The following NFIB variants were observed in gnomAD, a reference collection of about 807,000 sequenced individuals.
The protein encoded by NFIB is nuclear factor 1 B-type.
Under a neutral mutation model 61.5 loss-of-function variants are expected in NFIB, and 11 were observed. The observed-to-expected ratio is 0.18, with a 90% CI of 0.11 to 0.30. The LOEUF (loss-of-function observed/expected upper bound fraction) is 0.30, where lower values mean the gene tolerates loss of function less well. NFIB is among the 10% of genes least tolerant of loss of function. NFIB has a pLI of 1.00. For synonymous variants in NFIB, 260 were observed against 216.5 expected, an observed-to-expected ratio of 1.20 and a Z score of -1.76; for missense variants, 471 against 608.9, an observed-to-expected ratio of 0.77 and a Z score of 2.38.
intron 10 of NFIB, among the ~76,000 whole-genome samples, chr9:14,111,378 A>G (rs1049072276): frequency 6.6e-6 from 1 of 152,180 alleles, no homozygotes; most frequent in Non-Finnish European, 1.5e-5. Flanking sequence ...CTCCAAATAC[A>G]TGGAATTGGT....
intron 4 of NFIB, 127 bp downstream of exon 4, chr9:14,155,698 A>G: frequency 2.1e-6 from 1 of 486,480 alleles, no homozygotes. Flanking sequence ...ATTTCATCAA[A>G]GGTTTTAAGA....
At chr9:14,219,223 C>T (rs1486664467) in intron 2 of NFIB, among the ~76,000 whole-genome samples, 1 of 151,892 alleles carries the variant, frequency 6.6e-6, no homozygotes, top group East Asian at 1.9e-4. Flanking sequence ...GTTTTTGATT[C>T]TACGTATTTA....
intron 1 of NFIB, chr9:14,362,444 C>T (rs1371867231): frequency 1.3e-5 from 2 of 152,226 alleles, no homozygotes; most frequent in Non-Finnish European, 2.9e-5. Flanking sequence ...ACTCAAGTAT[C>T]CCCAAAGGAA....
intron 8 of NFIB, among the ~76,000 whole-genome samples, chr9:14,119,908 C>T (rs549509879): frequency 3.3e-5 from 5 of 152,134 alleles, no homozygotes; most frequent in Non-Finnish European, 4.4e-5. Flanking sequence ...AAAAGAAAGA[C>T]GCTTCTAGTA....
chr9:14,287,580 G>C (rs2058799825), intron 2 of NFIB, among the ~76,000 whole-genome samples: 2 of 151,758 alleles, frequency 1.3e-5, no homozygotes, highest in Non-Finnish European at 2.9e-5. Flanking sequence ...GCACCACCAG[G>C]CCCGGCTAAT....
chr9:14,390,719 C>T (rs766543542), intron 1 of NFIB, among the ~76,000 whole-genome samples: 23 of 152,312 alleles, frequency 1.5e-4, no homozygotes, highest in Admixed American at 5.2e-4. Context: ...AGAGCTCCCT[C>T]GGTTCTTCTT....
At chr9:14,360,361 G>A (rs887796930) in intron 1 of NFIB, among the ~76,000 whole-genome samples, 5 of 152,036 alleles carry the variant, frequency 3.3e-5, no homozygotes, top group South Asian at 2.1e-4. Context: ...ATAATTTTCC[G>A]AACAGTTCTA....
the NFIB span, among the ~76,000 whole-genome samples, chr9:14,463,899 G>A: frequency 6.6e-6 from 1 of 151,948 alleles, no homozygotes; most frequent in Non-Finnish European, 1.5e-5. Context: ...TGACCTCGTG[G>A]TCCGACCGCC....
the NFIB span, among the ~76,000 whole-genome samples, chr9:14,404,233 C>G: frequency 2.6e-5 from 4 of 152,142 alleles, no homozygotes; most frequent in Non-Finnish European, 5.9e-5. Context: ...TACCAGCTAT[C>G]AAAAATGCAA....
At chr9:14,449,775 C>CA in the NFIB span, among the ~76,000 whole-genome samples, 67 of 150,192 alleles carry the variant, frequency 4.5e-4, no homozygotes, top group Non-Finnish European at 8.6e-4. Flanking sequence ...ACTAAAAATA[C>CA]AAAAAAAAAT....
intron 10 of NFIB, among the ~76,000 whole-genome samples, chr9:14,098,257 ACTT>A (rs1431594768): frequency 6.6e-6 from 1 of 152,094 alleles, no homozygotes; most frequent in African/African-American, 2.4e-5. Flanking sequence ...CCATCTGAAG[ACTT>A]CTTCTATGTT....
chr9:14,163,700 T>C (rs1055531261), intron 3 of NFIB, among the ~76,000 whole-genome samples: 3 of 152,020 alleles, frequency 2.0e-5, no homozygotes, highest in African/African-American at 7.2e-5. Flanking sequence ...TTTTTAAGAA[T>C]TGAACATGAC....
chr9:14,223,535 TA>T (rs2051975198), intron 2 of NFIB, among the ~76,000 whole-genome samples: 1 of 152,156 alleles, frequency 6.6e-6, no homozygotes, highest in African/African-American at 2.4e-5. Flanking sequence ...TAGAAACCAC[TA>T]ATTATTTAAT....
At chr9:14,370,655 A>T (rs1222790732) in intron 1 of NFIB, among the ~76,000 whole-genome samples, 2 of 152,262 alleles carry the variant, frequency 1.3e-5, no homozygotes. Flanking sequence ...ATCACACGAC[A>T]CTGGAACTCC....
chr9:14,161,380 C>T (rs1053162298), intron 3 of NFIB, among the ~76,000 whole-genome samples: 4 of 151,938 alleles, frequency 2.6e-5, no homozygotes, highest in African/African-American at 7.2e-5. Context: ...CAATATGAAA[C>T]GTAAACCCAC....
At chr9:14,290,510 TG>T (rs1750441981) in intron 2 of NFIB, among the ~76,000 whole-genome samples, 1 of 152,050 alleles carries the variant, frequency 6.6e-6, no homozygotes, top group Admixed American at 6.6e-5. Context: ...CTCAGGAAAC[TG>T]AATCTTAGAA....
At chr9:14,513,816 C>G in the NFIB span, among the ~76,000 whole-genome samples, 1 of 152,164 alleles carries the variant, frequency 6.6e-6, no homozygotes, top group South Asian at 2.1e-4. Flanking sequence ...CTTCACCTCT[C>G]TGTGCCTCAG....
chr9:14,214,142 G>A (rs557059252), intron 2 of NFIB, among the ~76,000 whole-genome samples: 11 of 152,044 alleles, frequency 7.2e-5, no homozygotes, highest in African/African-American at 2.4e-4. Flanking sequence ...CTGAAGAAGC[G>A]ACAGAGATAA....
chr9:14,377,439 T>C (rs1254679091), intron 1 of NFIB, among the ~76,000 whole-genome samples: 1 of 152,148 alleles, frequency 6.6e-6, no homozygotes, highest in African/African-American at 2.4e-5. Flanking sequence ...TGCTTGTCTC[T>C]ATTCCTGACC....
Sources: gnomAD v4.1 joint callset for allele counts (sites outside exome capture counted in the v4.1 genomes callset) on GRCh38, gnomAD v4.1.1 for gene constraint, MANE v1.5 for transcripts, NCBI Gene and HGNC (gene_info 2026-07-23, HGNC 2026-07-21) for gene names.